Variants in JAM3 observed in about 807,000 individuals in gnomAD.
JAM3 encodes junctional adhesion molecule 3.
In JAM3, 31 loss-of-function variants were observed where a neutral mutation model predicts 39.4. That is an observed-to-expected ratio of 0.79 (90% CI 0.59 to 1.06). The LOEUF is 1.06. Ranked by LOEUF, JAM3 falls within the 50% of genes least tolerant of loss-of-function variation. The probability of loss-of-function intolerance (pLI) is 0.00; values close to 1 mark genes in which losing one functional copy is unlikely to be tolerated. For missense variants in JAM3, 455 were observed against 391.4 expected, an observed-to-expected ratio of 1.16 and a Z score of -1.37; for synonymous variants, 182 against 148.7, an observed-to-expected ratio of 1.22 and a Z score of -1.63.
intron 1 of JAM3, among the ~76,000 whole-genome samples, chr11:134,113,645 A>G (rs996135322): frequency 8.5e-5 from 13 of 152,226 alleles, no homozygotes; most frequent in Admixed American, 6.5e-4. Flanking sequence ...TAGTGCCGCA[A>G]TAAACATCCG....
chr11:134,074,368 T>G (rs1941531200), intron 1 of JAM3, among the ~76,000 whole-genome samples: 1 of 152,232 alleles, frequency 6.6e-6, no homozygotes, highest in Admixed American at 6.5e-5. Flanking sequence ...GATACAATAG[T>G]GGAATTTTAA....
At chr11:134,070,303 G>A (rs191341369) in intron 1 of JAM3, 5 of 430,992 alleles carry the variant, frequency 1.2e-5, no homozygotes, top group African/African-American at 8.2e-5. Flanking sequence ...ACCTTTTTCG[G>A]TTCTTAGATT....
chr11:134,135,780 G>T (rs1024215488), intron 1 of JAM3, among the ~76,000 whole-genome samples: 1 of 152,064 alleles, frequency 6.6e-6, no homozygotes, highest in Non-Finnish European at 1.5e-5. Context: ...AATAAAAGCT[G>T]TTGAATGGCC....
chr11:134,119,622 G>A (rs1164163528), intron 1 of JAM3, among the ~76,000 whole-genome samples: 1 of 152,238 alleles, frequency 6.6e-6, no homozygotes, highest in African/African-American at 2.4e-5. Context: ...TGCCAGTGAA[G>A]TCTGCAGGGC....
At chr11:134,075,491 G>A (rs1366188437) in intron 1 of JAM3, among the ~76,000 whole-genome samples, 1 of 146,528 alleles carries the variant, frequency 6.8e-6, no homozygotes, top group African/African-American at 2.6e-5. Flanking sequence ...TGCTCTATCT[G>A]GGGTCTTAGT....
chr11:134,086,329 A>T (rs1038502145), intron 1 of JAM3, among the ~76,000 whole-genome samples: 1 of 152,178 alleles, frequency 6.6e-6, no homozygotes, highest in Non-Finnish European at 1.5e-5. Context: ...GCTTAGTTAG[A>T]TGAGATAGCA....
At chr11:134,134,011 A>T (rs771351975) in intron 1 of JAM3, among the ~76,000 whole-genome samples, 1 of 146,210 alleles carries the variant, frequency 6.8e-6, no homozygotes, top group Non-Finnish European at 1.5e-5. Context: ...AGTAGATAAC[A>T]TAAGTAGATA....
chr11:134,086,974 T>G (rs1174385960), intron 1 of JAM3, among the ~76,000 whole-genome samples: 2 of 152,086 alleles, frequency 1.3e-5, no homozygotes, highest in Non-Finnish European at 2.9e-5. Flanking sequence ...CCAGCTAATT[T>G]TTTAATTTTT....
intron 1 of JAM3, among the ~76,000 whole-genome samples, chr11:134,133,348 A>G (rs1240643860): frequency 6.6e-6 from 1 of 152,168 alleles, no homozygotes; most frequent in African/African-American, 2.4e-5. Context: ...AAGTGGTGAA[A>G]GTGGGCATCG....
At chr11:134,109,449 G>T (rs561331150) in intron 1 of JAM3, among the ~76,000 whole-genome samples, 22 of 152,296 alleles carry the variant, frequency 1.4e-4, no homozygotes, top group Middle Eastern at 3.4e-3. Flanking sequence ...CTGTTGCCTG[G>T]TTTTTTGTTA....
At position 134,150,942 on chromosome 11, in the gene JAM3, A is replaced by G. The variant is rs1459374988; in HGVS notation, c.*1761A>G. 2.6e-5 allele frequency: 4 copies of G among 152,120 alleles called. No individual in the cohort carries two copies. Among genetic ancestry groups the G allele is most frequent in the East Asian group, 1.9e-4 (1 of 5,184 alleles). 9.4% of individuals were successfully genotyped at this position (152,120 alleles called of 1,614,324 possible). On this transcript the variant is annotated 3_prime_UTR_variant, in exon 9 of 9. Transcript: ENST00000299106. ...AGCAGTTTTCTAATTTTGACTTTAA[A>G]TTTTTCATCCGCCGGAGACACTGCT...
chr11:134,142,667 G>T (rs1008056249), intron 3 of JAM3, among the ~76,000 whole-genome samples: 4 of 152,152 alleles, frequency 2.6e-5, no homozygotes, highest in Admixed American at 1.3e-4. Flanking sequence ...AAAGTGTGCA[G>T]TTCAGGGGTT....
intron 1 of JAM3, among the ~76,000 whole-genome samples, chr11:134,131,492 C>T (rs929974462): frequency 1.3e-5 from 2 of 151,842 alleles, no homozygotes; most frequent in Admixed American, 6.6e-5. Context: ...AATCAAATGC[C>T]AGATTTTCAA....
At chr11:134,082,230 T>C (rs56412659) in intron 1 of JAM3, among the ~76,000 whole-genome samples, 3,343 of 152,352 alleles carry the variant, frequency 0.022, 66 homozygotes, top group Non-Finnish European at 0.031. Flanking sequence ...TTGCTTTTGA[T>C]TTTACAGGTT....
chr11:134,146,331 A>C (rs1473758106), intron 6 of JAM3, among the ~76,000 whole-genome samples: 2 of 152,250 alleles, frequency 1.3e-5, no homozygotes, highest in African/African-American at 4.8e-5. Context: ...TTCTTTGGTA[A>C]TTGATAGAAT....
intron 1 of JAM3, among the ~76,000 whole-genome samples, chr11:134,072,533 C>T (rs1311241358): frequency 3.9e-5 from 6 of 152,206 alleles, no homozygotes; most frequent in Non-Finnish European, 8.8e-5. Flanking sequence ...TGGTCTTGAA[C>T]TCCTGACCTC....
chr11:134,123,116 G>T (rs1266753079), intron 1 of JAM3, among the ~76,000 whole-genome samples: 2 of 152,212 alleles, frequency 1.3e-5, no homozygotes, highest in Admixed American at 6.5e-5. Flanking sequence ...ATAGGGTTTT[G>T]AGGAAAAGAA....
At chr11:134,103,814 C>T (rs979388033) in intron 1 of JAM3, among the ~76,000 whole-genome samples, 2 of 152,148 alleles carry the variant, frequency 1.3e-5, no homozygotes, top group Non-Finnish European at 2.9e-5. Context: ...AGCTAACTAT[C>T]CTAAATATAT....
At chr11:134,079,221 G>T (rs1191498843) in intron 1 of JAM3, among the ~76,000 whole-genome samples, 2 of 152,048 alleles carry the variant, frequency 1.3e-5, no homozygotes. Context: ...CTCTGTCCTT[G>T]AATTAGTTTG....
Sources: gnomAD v4.1 joint callset for allele counts (sites outside exome capture counted in the v4.1 genomes callset) on GRCh38, gnomAD v4.1.1 for gene constraint, MANE v1.5 for transcripts, NCBI Gene and HGNC (gene_info 2026-07-23, HGNC 2026-07-21) for gene names.